Variants in THSD4 observed in about 807,000 individuals in gnomAD.
THSD4 encodes the protein thrombospondin type 1 domain containing 4, also known as thrombospondin type-1 domain-containing protein 4.
A neutral mutation model predicts 119.0 loss-of-function variants in THSD4; 69 were observed. The observed-to-expected ratio is 0.58, with a 90% confidence interval of 0.48 to 0.71. THSD4 has a LOEUF of 0.71. THSD4 is among the 30% of genes least tolerant of loss of function. The pLI is 0.00. For missense variants in THSD4, 1,393 were observed against 1,391.1 expected (o/e 1.00, Z -0.02); for synonymous variants, 524 against 540.4 (o/e 0.97, Z 0.42).
At chr15:71,508,006 T>G (rs2048217437) in intron 7 of THSD4, among the ~76,000 whole-genome samples, 1 of 152,208 alleles carries the variant, frequency 6.6e-6, no homozygotes, top group African/African-American at 2.4e-5. Flanking sequence ...GATGCAGTAA[T>G]GTCATTTGAA....
rs377567086 is a variant in THSD4 at position 71,511,873 on chromosome 15, C to T, written c.1152+100050C>T. Reference sequence around the variant, plus strand: ...CTTGGTATTTAATACACATCCCCCACAGAGACGGTGTCGGGAATTTTATTC... The same window carrying T: ...CTTGGTATTTAATACACATCCCCCATAGAGACGGTGTCGGGAATTTTATTC... On this transcript the variant is annotated intron_variant, in intron 7 of 17. Transcript: ENST00000261862. 5.9e-5 allele frequency among the ~76,000 whole-genome samples: 9 copies of T among 152,342 alleles called. No homozygotes were observed. In the East Asian group the frequency reaches 1.5e-3, roughly 26 times the overall value.
Position 71,486,877 on chromosome 15 carries a change from C to T in THSD4, c.1152+75054C>T, listed in dbSNP as rs997702692. On this transcript the variant is annotated intron_variant, in intron 7 of 17. Coordinates refer to ENST00000261862, the MANE Select transcript of THSD4 (RefSeq NM_024817.3). ...TACCTATGAGAATATTTTGAATTTGCCTTTTCGGGGTCCTGCAAAACCAGG... is the reference window on the plus strand; with the variant it reads ...TACCTATGAGAATATTTTGAATTTGTCTTTTCGGGGTCCTGCAAAACCAGG... 5.3e-5 allele frequency among the ~76,000 whole-genome samples: 8 copies of T among 152,106 alleles called. No homozygotes were observed. The South Asian group carries it at 1.2e-3, about 24-fold the overall frequency.
rs557907169 is a variant in THSD4 at position 71,596,845 on chromosome 15, C to T, written c.1153-63685C>T. ...AGGTGGAAGAGTGGCAATGGTTTGT[C>T]GGGCCCCTAGGTGACCCTGGTTCTC... On this transcript the variant is annotated intron_variant, in intron 7 of 17. Coordinates refer to ENST00000261862, the MANE Select transcript of THSD4 (RefSeq NM_024817.3). 1.4e-4 allele frequency among the ~76,000 whole-genome samples: 22 copies of T among 152,226 alleles called. No individual in the cohort carries two copies. In the South Asian group the frequency reaches 3.3e-3, roughly 23 times the overall value.
intron 8 of THSD4, 35 bp from the exon 9 acceptor site, chr15:71,728,514 G>T: frequency 6.2e-7 from 1 of 1,609,322 alleles, no homozygotes; most frequent in African/African-American, 1.3e-5. Flanking sequence ...CACACCCTGG[G>T]CTTACCCAAA....
chr15:71,773,357 C>T (rs763554978), intron 17 of THSD4, among the ~76,000 whole-genome samples: 9 of 152,150 alleles, frequency 5.9e-5, no homozygotes, highest in African/African-American at 9.7e-5. Flanking sequence ...GAATGACTGG[C>T]ATAAGCAAAT....
intron 7 of THSD4, among the ~76,000 whole-genome samples, chr15:71,563,150 G>A (rs1309091943): frequency 1.1e-4 from 17 of 152,132 alleles, no homozygotes; most frequent in Admixed American, 1.0e-3. Flanking sequence ...ATGGTGCACA[G>A]CGTTGGACAC....
At chr15:71,558,243 G>T (rs192968524) in intron 7 of THSD4, among the ~76,000 whole-genome samples, 1 of 152,134 alleles carries the variant, frequency 6.6e-6, no homozygotes, top group East Asian at 1.9e-4. Flanking sequence ...CAGGGGAATC[G>T]CTTGAACCCA....
intron 7 of THSD4, among the ~76,000 whole-genome samples, chr15:71,448,468 G>A (rs1430913594): frequency 6.6e-6 from 1 of 152,184 alleles, no homozygotes; most frequent in East Asian, 1.9e-4. Flanking sequence ...ACATAACAAA[G>A]TCTTCAGAAA....
chr15:71,592,624 T>A (rs2049828486), intron 7 of THSD4, among the ~76,000 whole-genome samples: 2 of 151,890 alleles, frequency 1.3e-5, no homozygotes, highest in Non-Finnish European at 1.5e-5. Context: ...TGGGCTGGAT[T>A]CACTTTTATA....
rs538646054 is a variant in THSD4 at position 71,356,907 on chromosome 15, G to A, written c.1016-54780G>A. Among the ~76,000 whole-genome samples, 33 of 152,308 alleles carry A rather than the reference G, an allele frequency of 2.2e-4. No homozygotes were observed. In the South Asian group the frequency reaches 6.4e-3, roughly 30 times the overall value. On this transcript the variant is annotated intron_variant, in intron 6 of 17. Transcript: ENST00000261862. ...ACTGTATGGCAGGAAGACACCAAAC[G>A]ACAGCGCACAGGGTGATCACTGAGT...
intron 7 of THSD4, among the ~76,000 whole-genome samples, chr15:71,638,601 A>C (rs1235021365): frequency 6.6e-6 from 1 of 152,204 alleles, no homozygotes; most frequent in Admixed American, 6.5e-5. Context: ...TCATAATCTC[A>C]GTACTTTTGA....
chr15:71,437,710 A>G (rs1001288436), intron 7 of THSD4, among the ~76,000 whole-genome samples: 4 of 152,184 alleles, frequency 2.6e-5, no homozygotes, highest in Non-Finnish European at 1.5e-5. Flanking sequence ...CATGTTTGCA[A>G]TAACTGTTGG....
At position 71,650,178 on chromosome 15, in the gene THSD4, A is replaced by C. The variant is rs564637939; in HGVS notation, c.1153-10352A>C. ...TGTGTAAATAAAGTTTTATTAGAACATAGCCATAAGTCATCCATGGCTGTT... is the reference window on the plus strand; with the variant it reads ...TGTGTAAATAAAGTTTTATTAGAACCTAGCCATAAGTCATCCATGGCTGTT... On this transcript the variant is annotated intron_variant, in intron 7 of 17. Coordinates refer to ENST00000261862, the MANE Select transcript of THSD4 (RefSeq NM_024817.3). 2.2e-3 allele frequency among the ~76,000 whole-genome samples: 328 copies of C among 152,350 alleles called. 1 individual carries two copies. The highest frequency in any genetic ancestry group is 3.3e-3 in the Non-Finnish European group (223 of 68,036).
chr15:71,777,784 AGG>A lies in THSD4; in HGVS notation c.*411_*412del, dbSNP rs2053940878. 9.9e-6 allele frequency: 2 copies of A among 201,016 alleles called. No homozygotes were observed. The highest frequency in any genetic ancestry group is 4.5e-5 in the African/African-American group (2 of 44,442). 12.5% of individuals were successfully genotyped at this position (201,016 alleles called of 1,614,324 possible). ...TAAACTTAGCACCCTGGAGAGTCCA[AGG>A]AGGCAGCGCCCCCAACCCAGCGCCC... On this transcript the variant is annotated 3_prime_UTR_variant, in exon 18 of 18. Transcript: ENST00000261862.
At chr15:71,170,247 CTG>C (rs1479066609) in intron 3 of THSD4, among the ~76,000 whole-genome samples, 2 of 152,272 alleles carry the variant, frequency 1.3e-5, no homozygotes, top group East Asian at 3.9e-4. Flanking sequence ...AGACAGAAGA[CTG>C]TGGAGCTCTG....
chr15:71,245,927 A>G (rs1166923726), intron 5 of THSD4, among the ~76,000 whole-genome samples: 1 of 151,996 alleles, frequency 6.6e-6, no homozygotes, highest in Non-Finnish European at 1.5e-5. Context: ...TGCTTTTTTT[A>G]TATACTCCCC....
At chr15:71,393,151 C>T (rs190013351) in intron 6 of THSD4, among the ~76,000 whole-genome samples, 13 of 151,634 alleles carry the variant, frequency 8.6e-5, no homozygotes, top group African/African-American at 2.7e-4. Context: ...GATTATGCCC[C>T]CTGCGTTCAG....
In THSD4 at chr15:71,768,756, G is replaced by A. The variant is rs1193779484; in HGVS notation, c.2770-2308G>A. 1.4e-4 allele frequency among the ~76,000 whole-genome samples: 21 copies of A among 149,840 alleles called. No homozygotes were observed. The East Asian group carries it at 2.0e-3, about 14-fold the overall frequency. On this transcript the variant is annotated intron_variant, in intron 16 of 17. Transcript: ENST00000261862. ...ATTTTTTTGTATTTTTAGTAGAGAC[G>A]GGGTTTCACCATGTTAGCCAGGATG...
At chr15:71,652,186 A>C (rs1567082688) in intron 7 of THSD4, among the ~76,000 whole-genome samples, 1 of 152,164 alleles carries the variant, frequency 6.6e-6, no homozygotes, top group Admixed American at 6.5e-5. Flanking sequence ...TCCATTCTGC[A>C]AGGAACTTCC....
Sources: gnomAD v4.1 joint callset for allele counts (sites outside exome capture counted in the v4.1 genomes callset) on GRCh38, gnomAD v4.1.1 for gene constraint, MANE v1.5 for transcripts, NCBI Gene and HGNC (gene_info 2026-07-23, HGNC 2026-07-21) for gene names.